The following DST variants were observed in gnomAD, a reference collection of about 807,000 sequenced individuals.
The protein encoded by DST is dystonin, also known as bullous pemphigoid antigen.
Under a neutral mutation model 875.2 loss-of-function variants are expected in DST, and 253 were observed. That is an observed-to-expected ratio of 0.29 (90% CI 0.26 to 0.32). DST has a LOEUF of 0.32. Among genes scored for constraint, DST ranks in the 10% least tolerant of loss-of-function variants. The pLI is 1.00. For missense variants in DST, 8,287 were observed against 9,111.6 expected, an observed-to-expected ratio of 0.91 and a Z score of 3.68; for synonymous variants, 3,124 against 3,197.1, an observed-to-expected ratio of 0.98 and a Z score of 0.77.
Position 56,501,540 on chromosome 6 carries a change from C to T in DST, c.19720G>A (p.Glu6574Lys), listed in dbSNP as rs762547303. 1.3e-6 allele frequency: 2 copies of T among 1,590,250 alleles called. No homozygotes were observed. The highest frequency in any genetic ancestry group is 1.8e-5 in the Admixed American group (1 of 56,620). The change falls in exon 79 of 104, where the codon GAG becomes AAG. Residue 6574 changes from glutamate to lysine, a missense_variant. Glu to Lys is a moderately conservative substitution (Grantham distance 56). This residue lies in a region of DST where 1,292 missense variants were observed against 1,552.7 expected (regional missense o/e 0.83). Coordinates refer to ENST00000680361, the MANE Select transcript of DST (RefSeq NM_001374736.1). ...ELKLIWDSLE[E>K]RIINRQHKLE... ...TTTACCTGTCTGTTGATGATTCTCTCCTCCAGGCTATCCCATATCAATTTC... is the reference window on the plus strand; with the variant it reads ...TTTACCTGTCTGTTGATGATTCTCTTCTCCAGGCTATCCCATATCAATTTC...
rs778166205 is a variant in DST at position 56,501,691 on chromosome 6, T to C, written c.19569A>G (p.Gln6523=). The C allele has an allele frequency of 5.7e-6, 9 of 1,582,092 alleles. No individual in the cohort carries two copies. Among genetic ancestry groups the C allele is most frequent in the Admixed American group, 1.9e-5 (1 of 53,550 alleles). ...TVKQQIEELK[Q]FKSEAYQQQI... is the part of the protein sequence containing the mutation. ...GCTGTTGATAGGCCTCAGACTTAAA[T>C]TGCTATTTTAAAAGAGATATACAAA... Residue 6523 remains glutamine, a splice_region_variant and synonymous_variant, in exon 79 of 104, where the codon CAA becomes CAG. Transcript: ENST00000680361.
chr6:56,954,102 G>A (rs1487997190), intron 1 of DST, among the ~76,000 whole-genome samples: 2 of 152,240 alleles, frequency 1.3e-5, no homozygotes, highest in Admixed American at 6.5e-5. Flanking sequence ...GCGTGAAGGC[G>A]AGGCTGGCGC....
rs752295541 is a variant in DST at position 56,628,106 on chromosome 6, GGTAA to G, written c.4527_4530del (p.Tyr1510IlefsTer3). ...TGCTGGATCCAATCATCTAAAGGAT[GGTAA>G]GTGTCTCTGTAGTACTTCAGTGATT... On this transcript the variant is annotated frameshift_variant, in exon 33 of 104. Transcript: ENST00000680361. LOFTEE classifies it high-confidence loss of function. 6.2e-7 allele frequency: 1 copy of G among 1,613,664 alleles called. No individual in the cohort carries two copies.
At chr6:56,749,181 C>T (rs56682095) in intron 4 of DST, among the ~76,000 whole-genome samples, 1,977 of 152,124 alleles carry the variant, frequency 0.013, 49 homozygotes, top group African/African-American at 0.044. Flanking sequence ...GGTGAAACCT[C>T]GTCTCTACTA....
chr6:56,557,240 A>T, intron 59 of DST, 79 bp downstream of exon 59: 1 of 1,343,596 alleles, frequency 7.4e-7, no homozygotes, highest in Non-Finnish European at 1.0e-6. Context: ...GACCAAAGTT[A>T]ATATATTTAT....
intron 2 of DST, among the ~76,000 whole-genome samples, chr6:56,934,886 T>C (rs745548996): frequency 4.6e-5 from 7 of 152,074 alleles, no homozygotes; most frequent in Non-Finnish European, 1.0e-4. Context: ...AAGCCAAATA[T>C]TGATGTCCAC....
intron 4 of DST, among the ~76,000 whole-genome samples, chr6:56,845,701 T>A (rs2099806517): frequency 6.6e-6 from 1 of 152,222 alleles, no homozygotes; most frequent in African/African-American, 2.4e-5. Flanking sequence ...CTCTCAAAAA[T>A]GTCTCCTTTA....
chr6:56,626,180 AT>A (rs1388925108), intron 34 of DST, among the ~76,000 whole-genome samples: 2 of 152,110 alleles, frequency 1.3e-5, no homozygotes, highest in Admixed American at 6.5e-5. Flanking sequence ...TATTGAAGAA[AT>A]TTTTTTATAA....
At chr6:56,729,952 T>C (rs573550984) in intron 5 of DST, among the ~76,000 whole-genome samples, 1 of 152,164 alleles carries the variant, frequency 6.6e-6, no homozygotes, top group African/African-American at 2.4e-5. Flanking sequence ...AGTAACCAAG[T>C]AGATGACTAA....
chr6:56,584,960 G>A (rs1010074144), intron 49 of DST, among the ~76,000 whole-genome samples: 2 of 151,554 alleles, frequency 1.3e-5, no homozygotes, highest in Admixed American at 1.3e-4. Flanking sequence ...GATCATGGTG[G>A]ATAAGCTTTT....
In DST at chr6:56,517,184, A is replaced by C. The variant is rs1203496966; in HGVS notation, c.18357+14T>G. The C allele has an allele frequency of 6.3e-7, 1 of 1,595,976 alleles. No individual in the cohort carries two copies. The highest frequency in any genetic ancestry group is 8.6e-7 in the Non-Finnish European group (1 of 1,163,996). ...TTCAAGAGTCCCACTACCAGTCCAC[A>C]GACAAGATTATACCTTCATTGATTG... On this transcript the variant is annotated intron_variant, in intron 71 of 103. Transcript: ENST00000680361.
intron 3 of DST, among the ~76,000 whole-genome samples, chr6:56,898,417 G>A (rs1208420954): frequency 6.6e-6 from 1 of 152,204 alleles, no homozygotes; most frequent in Non-Finnish European, 1.5e-5. Context: ...GGGCTTGTGA[G>A]AGAATAATGA....
At chr6:56,603,120 A>T in intron 42 of DST, 85 bp downstream of exon 42, 1 of 1,536,912 alleles carries the variant, frequency 6.5e-7, no homozygotes, top group South Asian at 1.2e-5. Flanking sequence ...TTAGCACTCT[A>T]AAACTAAAAT....
chr6:56,607,112 C>T lies in DST; in HGVS notation c.7516G>A (p.Gly2506Arg). ...GAAATCATATTTAAAGATTTCTGTCCATACTGCTCTCCTGGTAAACTGATG... is the reference window on the plus strand; with the variant it reads ...GAAATCATATTTAAAGATTTCTGTCTATACTGCTCTCCTGGTAAACTGATG... Reference protein sequence around the residue: ...INISLPGEQYGQKSLNMISSN... With the variant: ...INISLPGEQYRQKSLNMISSN... The change falls in exon 40 of 104, where the codon GGA (glycine) becomes AGA (arginine). Residue 2506 changes from glycine to arginine, a missense_variant. This residue lies in a region of DST where 3,138 missense variants were observed against 3,116.6 expected (regional missense o/e 1.01). Transcript: ENST00000680361. 1 of 1,613,248 alleles carries T rather than the reference C, an allele frequency of 6.2e-7. No individual in the cohort carries two copies. Among genetic ancestry groups the T allele is most frequent in the Non-Finnish European group, 8.5e-7 (1 of 1,179,566 alleles).
In DST at chr6:56,631,347, T is replaced by G. The variant is rs2098778028; in HGVS notation, c.4006A>C (p.Thr1336Pro). 6.2e-7 allele frequency: 1 copy of G among 1,613,978 alleles called. No individual in the cohort carries two copies. The highest frequency in any genetic ancestry group is 8.5e-7 in the Non-Finnish European group (1 of 1,179,930). Reference sequence around the variant, plus strand: ...AACTCCTCACACTTATTTGTGATTGTTCCCAAATCATCTTTAAGTCGTTCC... The same window carrying G: ...AACTCCTCACACTTATTTGTGATTGGTCCCAAATCATCTTTAAGTCGTTCC... ...ELERLKDDLG[T>P]ITNKCEEFFS... The change falls in exon 30 of 104, where the codon ACA becomes CCA. Residue 1336 changes from threonine to proline, a missense_variant. Thr to Pro is a conservative substitution (Grantham distance 38, BLOSUM62 -1). This residue lies in a region of DST where 3,138 missense variants were observed against 3,116.6 expected (regional missense o/e 1.01). Coordinates refer to ENST00000680361, the MANE Select transcript of DST (RefSeq NM_001374736.1).
chr6:56,716,919 C>G (rs570022732), intron 5 of DST, among the ~76,000 whole-genome samples: 5 of 152,242 alleles, frequency 3.3e-5, no homozygotes, highest in Non-Finnish European at 7.4e-5. Flanking sequence ...CGGTGGCTCA[C>G]GCCTGTAATC....
intron 99 of DST, among the ~76,000 whole-genome samples, chr6:56,465,075 T>C (rs1394318608): frequency 6.6e-6 from 1 of 152,212 alleles, no homozygotes; most frequent in Non-Finnish European, 1.5e-5. Context: ...ACAGGAGCTT[T>C]TGTTCTTGTT....
intron 4 of DST, among the ~76,000 whole-genome samples, chr6:56,778,846 G>A (rs191754617): frequency 5.9e-5 from 9 of 152,040 alleles, no homozygotes; most frequent in Admixed American, 1.3e-4. Flanking sequence ...ATAAACATAC[G>A]TGTGCATGTG....
intron 2 of DST, among the ~76,000 whole-genome samples, chr6:56,906,130 T>A (rs1366717538): frequency 6.6e-6 from 1 of 152,194 alleles, no homozygotes; most frequent in Non-Finnish European, 1.5e-5. Context: ...GTAATTCTAG[T>A]TTTAACTTTT....
Sources: gnomAD v4.1 joint callset for allele counts (sites outside exome capture counted in the v4.1 genomes callset) on GRCh38, gnomAD v4.1.1 for gene constraint, gnomAD v4.1.1 regional missense constraint, MANE v1.5 for transcripts, NCBI Gene and HGNC (gene_info 2026-07-23, HGNC 2026-07-21) for gene names.